The following BAIAP2L1 variants were observed in gnomAD, a reference collection of about 807,000 sequenced individuals.
BAIAP2L1 encodes the protein BAR/IMD domain containing adaptor protein 2 like 1.
BAIAP2L1 carries 35 observed loss-of-function variants against 66.3 expected under a neutral mutation model. The observed-to-expected ratio is 0.53, with a 90% confidence interval of 0.40 to 0.70. The LOEUF is 0.70. BAIAP2L1 is among the 30% of genes least tolerant of loss of function. The pLI is 0.00. For missense variants in BAIAP2L1, 622 were observed against 656.9 expected (o/e 0.95, Z 0.58); for synonymous variants, 269 against 248.7 (o/e 1.08, Z -0.77).
intron 3 of BAIAP2L1, among the ~76,000 whole-genome samples, chr7:98,344,654 G>C (rs1160976593): frequency 6.6e-6 from 1 of 151,998 alleles, no homozygotes; most frequent in Admixed American, 6.6e-5. Flanking sequence ...CTAAGAAGTA[G>C]GCTGGGCGTT....
chr7:98,293,473 T>C lies in BAIAP2L1; in HGVS notation c.*48A>G. The C allele has an allele frequency of 6.4e-7, 1 of 1,557,926 alleles. No homozygotes were observed. Among genetic ancestry groups the C allele is most frequent in the Non-Finnish European group, 8.8e-7 (1 of 1,131,032 alleles). On this transcript the variant is annotated 3_prime_UTR_variant, in exon 14 of 14. Coordinates refer to ENST00000005260, the MANE Select transcript of BAIAP2L1 (RefSeq NM_018842.5). ...GTGGCAGACAGGATGCGCCCATCATTCCGCAAGGGAGAACCGGAGAGGCCC... is the reference window on the plus strand; with the variant it reads ...GTGGCAGACAGGATGCGCCCATCATCCCGCAAGGGAGAACCGGAGAGGCCC...
chr7:98,362,541 G>A, intron 1 of BAIAP2L1, 109 bp from the exon 2 acceptor site: 3 of 798,546 alleles, frequency 3.8e-6, no homozygotes, highest in Non-Finnish European at 6.1e-6. Flanking sequence ...TAACAGCACA[G>A]TCTACAAAGT....
chr7:98,359,273 C>CT (rs998408583), intron 2 of BAIAP2L1, among the ~76,000 whole-genome samples: 1,963 of 139,268 alleles, frequency 0.014, 21 homozygotes, highest in African/African-American at 0.029. Context: ...TACTTGCTGT[C>CT]TTTTTTTTTT....
chr7:98,353,516 CACATATATTTATAAATAT>C (rs1262894806), intron 3 of BAIAP2L1, among the ~76,000 whole-genome samples: 20 of 129,500 alleles, frequency 1.5e-4, no homozygotes, highest in African/African-American at 2.4e-4. Context: ...ATTATAAATA[CACATATATTTATAAATAT>C]ACATATATTT....
At chr7:98,329,090 T>A (rs1241983613) in intron 3 of BAIAP2L1, among the ~76,000 whole-genome samples, 1 of 152,220 alleles carries the variant, frequency 6.6e-6, no homozygotes, top group Non-Finnish European at 1.5e-5. Context: ...ACACATCTGG[T>A]CACCGTTGAT....
intron 1 of BAIAP2L1, among the ~76,000 whole-genome samples, chr7:98,374,096 C>T (rs551446845): frequency 3.3e-5 from 5 of 151,966 alleles, no homozygotes; most frequent in South Asian, 2.1e-4. Flanking sequence ...GGACTACAGA[C>T]GCAAACCATA....
intron 12 of BAIAP2L1, among the ~76,000 whole-genome samples, chr7:98,301,676 T>TGC (rs2116825733): frequency 6.6e-6 from 1 of 152,080 alleles, no homozygotes; most frequent in Admixed American, 6.6e-5. Flanking sequence ...TGTGTGTGTG[T>TGC]GCACACGCGC....
intron 11 of BAIAP2L1, among the ~76,000 whole-genome samples, chr7:98,305,890 C>T (rs1045203144): frequency 2.0e-5 from 3 of 152,056 alleles, no homozygotes; most frequent in Non-Finnish European, 4.4e-5. Flanking sequence ...CTCAGCAAAG[C>T]CCATCAGTGT....
At chr7:98,396,746 C>T (rs894421679) in intron 1 of BAIAP2L1, among the ~76,000 whole-genome samples, 3 of 152,152 alleles carry the variant, frequency 2.0e-5, no homozygotes, top group African/African-American at 4.8e-5. Context: ...TGCGATTGCA[C>T]CACTGCACTC....
intron 3 of BAIAP2L1, among the ~76,000 whole-genome samples, chr7:98,337,578 T>C (rs562087964): frequency 6.6e-6 from 1 of 152,158 alleles, no homozygotes; most frequent in Non-Finnish European, 1.5e-5. Flanking sequence ...TATTCCAGAG[T>C]GCCAGAAAAC....
intron 1 of BAIAP2L1, among the ~76,000 whole-genome samples, chr7:98,376,856 A>C (rs1427887560): frequency 8.5e-5 from 13 of 152,078 alleles, no homozygotes; most frequent in Admixed American, 8.5e-4. Flanking sequence ...CCAACCCACT[A>C]ATCTAACACG....
Position 98,292,860 on chromosome 7 carries a change from A to G in BAIAP2L1, c.*661T>C, listed in dbSNP as rs557049381. 13 of 1,452,602 alleles carry G rather than the reference A, an allele frequency of 8.9e-6. No individual in the cohort carries two copies. The highest frequency in any genetic ancestry group is 5.4e-5 in the Admixed American group (2 of 37,062). The allele number at this position is 1,452,602 out of a possible 1,614,324, so 90.0% of individuals were successfully genotyped here. ...CCGTTGGCGACTCCTAACTACCAAG[A>G]AAAGGAGCTCTCGGAGGAGATTTCG... is the stretch of plus-strand genomic sequence containing the variant. On this transcript the variant is annotated 3_prime_UTR_variant, in exon 14 of 14. Coordinates refer to ENST00000005260, the MANE Select transcript of BAIAP2L1 (RefSeq NM_018842.5).
At chr7:98,400,085 C>G (rs995140083) in intron 1 of BAIAP2L1, 1 of 151,344 alleles carries the variant, frequency 6.6e-6, no homozygotes, top group Non-Finnish European at 1.5e-5. Flanking sequence ...GGCTTAAGCC[C>G]GGCAGCCAGG....
intron 10 of BAIAP2L1, 88 bp downstream of exon 10, chr7:98,307,601 C>T (rs1800705636): frequency 1.3e-6 from 2 of 1,557,980 alleles, no homozygotes; most frequent in African/African-American, 1.4e-5. Context: ...AAAATGTGAG[C>T]ATGTCCACGA....
chr7:98,336,885 T>A (rs942374950), intron 3 of BAIAP2L1, among the ~76,000 whole-genome samples: 1 of 152,180 alleles, frequency 6.6e-6, no homozygotes, highest in Admixed American at 6.5e-5. Context: ...GGACTTTGAA[T>A]TTAAACCCCA....
intron 2 of BAIAP2L1, among the ~76,000 whole-genome samples, chr7:98,356,518 G>A (rs1454206643): frequency 2.6e-5 from 4 of 151,550 alleles, no homozygotes; most frequent in Non-Finnish European, 5.9e-5. Context: ...TTTTTTAGAG[G>A]CAGAGTCTTG....
intron 2 of BAIAP2L1, 29 bp from the exon 3 acceptor site, chr7:98,355,157 G>T: frequency 6.7e-7 from 1 of 1,494,170 alleles, no homozygotes; most frequent in Non-Finnish European, 9.3e-7. Flanking sequence ...ACACAAAATC[G>T]TCACTTAGAC....
At chr7:98,355,869 G>T (rs1802108215) in intron 2 of BAIAP2L1, among the ~76,000 whole-genome samples, 1 of 152,132 alleles carries the variant, frequency 6.6e-6, no homozygotes, top group Non-Finnish European at 1.5e-5. Flanking sequence ...TCCTTTGATG[G>T]CAGTGCTTAA....
At position 98,401,080 on chromosome 7, in the gene BAIAP2L1, C is replaced by T. The variant is rs1803361780; in HGVS notation, c.-228G>A. 1 of 370,266 alleles carries T rather than the reference C, an allele frequency of 2.7e-6. No homozygotes were observed. Among genetic ancestry groups the T allele is most frequent in the Non-Finnish European group, 4.7e-6 (1 of 212,252 alleles). 22.9% of individuals were successfully genotyped at this position (370,266 alleles called of 1,614,324 possible). On this transcript the variant is annotated 5_prime_UTR_variant, in exon 1 of 14. Coordinates refer to ENST00000005260, the MANE Select transcript of BAIAP2L1 (RefSeq NM_018842.5). ...GAGGAGCAGAGGAGAAGCGGCCGGA[C>T]GCCGCCAGAGGAAGCTGGGCGGGCC...
Sources: allele counts gnomAD v4.1 joint callset (sites outside exome capture counted in the v4.1 genomes callset), GRCh38; gene constraint gnomAD v4.1.1; transcripts MANE v1.5; gene names NCBI Gene and HGNC (gene_info 2026-07-23, HGNC 2026-07-21).